The following PDGFA variants were observed in gnomAD, a reference collection of about 807,000 sequenced individuals.
PDGFA encodes the protein platelet-derived growth factor subunit A.
A neutral mutation model predicts 25.6 loss-of-function variants in PDGFA; 9 were observed. The ratio of observed to expected loss-of-function variants is 0.35; its 90% CI spans 0.21 to 0.61. The LOEUF (loss-of-function observed/expected upper bound fraction) is 0.61. Among genes scored for constraint, PDGFA ranks in the 20% least tolerant of loss-of-function variants. The pLI, the probability that PDGFA is intolerant of heterozygous loss-of-function variation, is 0.75. For missense variants in PDGFA, 242 were observed against 272.8 expected (o/e 0.89, Z 0.79); for synonymous variants, 133 against 111.8 (o/e 1.19, Z -1.20).
chr7:508,575 A>AAAG (rs1238055684), intron 4 of PDGFA, among the ~76,000 whole-genome samples: 4 of 148,754 alleles, frequency 2.7e-5, no homozygotes, highest in African/African-American at 9.9e-5. Flanking sequence ...AAAAAAAAAA[A>AAAG]AAAAAAAAAA....
Position 500,356 on chromosome 7 carries a change from G to C in PDGFA, c.580+760C>G. On this transcript the variant is annotated intron_variant, in intron 5 of 5. Coordinates refer to ENST00000402802, the Ensembl canonical transcript of PDGFA. This position sits in a 1 kb window ranked among gnomAD's most constrained non-coding sequence, Gnocchi z 5.0. ...CGCCGCACCCGGCGAGACAGGAAGC[G>C]TGATTTGCTGGTGTGATCAGTCAGT... The C allele has an allele frequency of 6.6e-7, 1 of 1,509,214 alleles. No homozygotes were observed. Among genetic ancestry groups the C allele is most frequent in the Admixed American group, 1.7e-5 (1 of 59,342 alleles). The allele number at this position is 1,509,214 out of a possible 1,614,324, so 93.5% of individuals were successfully genotyped here.
intron 3 of PDGFA, among the ~76,000 whole-genome samples, chr7:511,351 C>T (rs13307801): frequency 0.54 from 15,514 of 28,640 alleles, 4,434 homozygotes; most frequent in Non-Finnish European, 0.68. Context: ...AGAGGGGAAC[C>T]TAGTCCAGGT....
exon 1 of PDGFA, chr7:519,233 C>G (rs1266404068): frequency 1.5e-5 from 2 of 134,380 alleles, no homozygotes; most frequent in South Asian, 1.3e-4. Flanking sequence ...GCCCGCAGCG[C>G]GGGGAGCCTC....
chr7:519,908 G>GCC (rs1562495873), upstream of PDGFA: 2 of 49,544 alleles, frequency 4.0e-5, no homozygotes, highest in Admixed American at 1.5e-4. Context: ...CCCCGCCCCC[G>GCC]CCCCCGCCCC....
intron 4 of PDGFA, among the ~76,000 whole-genome samples, chr7:504,944 C>G (rs1364901053): frequency 6.6e-6 from 1 of 152,210 alleles, no homozygotes; most frequent in African/African-American, 2.4e-5. Context: ...GGGCACCGTG[C>G]GAAAGGCACA....
At chr7:514,063 G>A (rs566554188) in intron 2 of PDGFA, among the ~76,000 whole-genome samples, 3 of 152,332 alleles carry the variant, frequency 2.0e-5, no homozygotes, top group South Asian at 2.1e-4. Flanking sequence ...TAACGGGTCC[G>A]TTCTCCACTC....
At chr7:506,970 C>T (rs1265857665) in intron 4 of PDGFA, among the ~76,000 whole-genome samples, 4 of 152,234 alleles carry the variant, frequency 2.6e-5, no homozygotes, top group East Asian at 1.9e-4. Flanking sequence ...GGGCCCCTCC[C>T]GGCCAGCCCC....
At chr7:503,257 T>C (rs983200129) in intron 4 of PDGFA, among the ~76,000 whole-genome samples, 4 of 152,074 alleles carry the variant, frequency 2.6e-5, no homozygotes, top group African/African-American at 9.7e-5. Flanking sequence ...CCTGGGGAGC[T>C]GAGCACCCAG....
chr7:498,559 C>A, exon 6 of PDGFA: 1 of 1,609,402 alleles, frequency 6.2e-7, no homozygotes, highest in Non-Finnish European at 8.5e-7. Context: ...GGCTGCGGCT[C>A]ATCCTCACCT....
In PDGFA at chr7:502,345, GGGCCCCACCTCCCCGCC is replaced by G. The variant is rs200514664; in HGVS notation, c.454-1120_454-1104del. On this transcript the variant is annotated intron_variant, in intron 4 of 5. Transcript: ENST00000402802. Reference sequence around the variant, plus strand: ...ATAATCCCAGCTGCTGGCCTGATGAGGGCCCCACCTCCCCGCCGGCCCCAGGCAGCAGGGCCAGCAGA... The same window carrying G: ...ATAATCCCAGCTGCTGGCCTGATGAGGGCCCCAGGCAGCAGGGCCAGCAGA... Among the ~76,000 whole-genome samples the G allele has an allele frequency of 7.6e-3, 954 of 125,002 alleles. 7 individuals carry two copies. The highest frequency in any genetic ancestry group is 0.025 in the African/African-American group (878 of 34,648). 82.0% of individuals were successfully genotyped at this position (125,002 alleles called of 152,430 possible).
chr7:506,751 C>A (rs1417703245), intron 4 of PDGFA, among the ~76,000 whole-genome samples: 1 of 152,124 alleles, frequency 6.6e-6, no homozygotes, highest in Non-Finnish European at 1.5e-5. Flanking sequence ...CAAGGAAACA[C>A]CCACCCAGCT....
At chr7:510,295 C>G (rs1210603657) in intron 4 of PDGFA, among the ~76,000 whole-genome samples, 1 of 152,042 alleles carries the variant, frequency 6.6e-6, no homozygotes, top group Non-Finnish European at 1.5e-5. Flanking sequence ...CTCAGTGTAC[C>G]TGCCAGGGAG....
chr7:507,238 G>T (rs527377265), intron 4 of PDGFA, among the ~76,000 whole-genome samples: 6 of 152,354 alleles, frequency 3.9e-5, no homozygotes, highest in Non-Finnish European at 8.8e-5. Context: ...TCCCAGAAGC[G>T]GGAACATGAA....
intron 4 of PDGFA, 77 bp downstream of exon 4, chr7:510,732 G>GGGAGGGGAGAGGAGA: frequency 1.0e-5 from 4 of 386,226 alleles, no homozygotes; most frequent in South Asian, 4.3e-5. Flanking sequence ...GGGAGAGGAG[G>GGGAGGGGAGAGGAGA]GGAGGGGAGA....
intron 4 of PDGFA, 81 bp downstream of exon 4, chr7:510,728 G>T (rs1583151285): frequency 2.4e-6 from 1 of 414,828 alleles, no homozygotes; most frequent in Non-Finnish European, 4.3e-6. Context: ...GGAGGGGAGA[G>T]GAGGGGAGGG....
intron 5 of PDGFA, among the ~76,000 whole-genome samples, chr7:499,034 T>C (rs1030214481): frequency 1.3e-5 from 2 of 152,166 alleles, no homozygotes; most frequent in Non-Finnish European, 2.9e-5. Flanking sequence ...GAACAATTCT[T>C]CCACATCCCA....
chr7:519,073 G>A, exon 1 of PDGFA: 1 of 1,253,022 alleles, frequency 8.0e-7, no homozygotes, highest in Non-Finnish European at 1.1e-6. Flanking sequence ...GGTCTCCTGT[G>A]GCGGCGAAAT....
intron 3 of PDGFA, 80 bp downstream of exon 3, chr7:512,271 G>GGCCCT (rs1213904572): frequency 5.9e-6 from 6 of 1,014,732 alleles, no homozygotes; most frequent in Admixed American, 4.5e-5. Context: ...CTCCCCACCC[G>GGCCCT]GCCCTGCCCT....
rs527451129 is a variant in PDGFA, at chr7:517,191, G to A, written c.160+203C>T. On this transcript the variant is annotated intron_variant, in intron 2 of 5. Coordinates refer to ENST00000402802, the Ensembl canonical transcript of PDGFA. The surrounding 1 kb of genome is among the most constrained non-coding windows in gnomAD (Gnocchi z 7.4). ...AGGCGAAAACAATCCCGGGGCGAGC[G>A]AGCAGCCCTCGGCCGCCGCTGGGAG... Among the ~76,000 whole-genome samples, 3 of 151,828 alleles carry A rather than the reference G, an allele frequency of 2.0e-5. No individual in the cohort carries two copies. Among genetic ancestry groups the A allele is most frequent in the African/African-American group, 4.8e-5 (2 of 41,522 alleles).
Sources: gnomAD v4.1 joint callset for allele counts (sites outside exome capture counted in the v4.1 genomes callset) on GRCh38, gnomAD v4.1.1 for gene constraint, Gnocchi (gnomAD v3.1) non-coding constraint, MANE v1.5 for transcripts, NCBI Gene and HGNC (gene_info 2026-07-23, HGNC 2026-07-21) for gene names.